ECH1: variants seen among roughly 807,000 people sequenced by gnomAD.
ECH1 encodes enoyl-CoA hydratase 1.
ECH1 carries 30 observed loss-of-function variants against 37.0 expected under a neutral mutation model. The observed-to-expected ratio is 0.81, with a 90% CI of 0.61 to 1.10. ECH1 has a LOEUF of 1.10. ECH1 is among the 50% of genes least tolerant of loss of function. The pLI is 0.00. For synonymous variants in ECH1, 178 were observed against 176.0 expected (o/e 1.01, Z -0.09); for missense variants, 456 against 441.6 (o/e 1.03, Z -0.29).
rs145722539 is a variant in ECH1 at position 38,817,463 on chromosome 19, G to T, written c.462C>A (p.Asn154Lys). 1 of 1,613,804 alleles carries T rather than the reference G, an allele frequency of 6.2e-7. No homozygotes were observed. Among genetic ancestry groups the T allele is most frequent in the South Asian group, 1.1e-5 (1 of 90,958 alleles). Residue 154 changes from asparagine (N) to lysine (K), a missense_variant, in exon 4 of 10, where the codon AAC becomes AAA. Asn to Lys is a moderately conservative substitution (Grantham distance 94, BLOSUM62 0). Transcript: ENST00000221418. ...DIITRYQETF[N>K]VIERCPKPVI... ...CCCCTAGAGTCACCCTCTCGATGAC[G>T]TTGAAGGTCTCCTGGTATCGAGTGA...
intron 8 of ECH1, 73 bp from the exon 9 acceptor site, chr19:38,816,080 G>A: frequency 6.3e-7 from 1 of 1,591,506 alleles, no homozygotes; most frequent in Non-Finnish European, 8.6e-7. Context: ...AGATGAAGAA[G>A]TGGCCACTCA....
intron 3 of ECH1, among the ~76,000 whole-genome samples, chr19:38,820,956 A>G (rs959507234): frequency 3.9e-5 from 6 of 152,190 alleles, no homozygotes; most frequent in African/African-American, 1.4e-4. Context: ...GAACAAATGA[A>G]CAAGAGGAGG....
chr19:38,819,008 T>TGTGTGTGTGTGTTTGTGC (rs371773394), intron 3 of ECH1: 2 of 324,272 alleles, frequency 6.2e-6, no homozygotes, highest in Non-Finnish European at 8.8e-6. Context: ...TGTGTGTGTG[T>TGTGTGTGTGTGTTTGTGC]GCGGGCACGT....
chr19:38,817,550 C>T lies in ECH1; in HGVS notation c.375G>A (p.Ser125=), dbSNP rs15570. The change falls in exon 4 of 10, where the codon TCG becomes TCA. Residue 125 remains serine (S), a synonymous_variant. Transcript: ENST00000221418. Reference sequence around the variant, plus strand: ...CATCTCCTTTGGGCTGCAGGATGTCCGAAGCCATGTCCATCAGGTCAATAC... The same window carrying T: ...CATCTCCTTTGGGCTGCAGGATGTCTGAAGCCATGTCCATCAGGTCAATAC... ...TAGIDLMDMA[S]DILQPKGDDV... The T allele has an allele frequency of 0.14, 225,992 of 1,608,500 alleles. 17,338 individuals are homozygous for T. Among genetic ancestry groups the T allele is most frequent in the South Asian group, 0.28 (25,296 of 90,848 alleles).
At chr19:38,815,812 C>T in intron 9 of ECH1, 45 bp downstream of exon 9, 3 of 1,613,314 alleles carry the variant, frequency 1.9e-6, no homozygotes, top group Non-Finnish European at 2.5e-6. Context: ...GGTTGGTCGC[C>T]TGGGGTTAGA....
In ECH1 at chr19:38,817,493, G is replaced by A. The variant is rs1339441112; in HGVS notation, c.432C>T (p.Asp144=). 3.1e-6 allele frequency: 5 copies of A among 1,613,956 alleles called. No individual in the cohort carries two copies. The highest frequency in any genetic ancestry group is 4.2e-6 in the Non-Finnish European group (5 of 1,179,938). Residue 144 remains aspartate (D), a synonymous_variant, in exon 4 of 10, where the codon GAC becomes GAT. Transcript: ENST00000221418. The part of the protein sequence containing the change: ...DVARISWYLR[D]IITRYQETFN... ...AGGTCTCCTGGTATCGAGTGATGAT[G>A]TCACGGAGGTACCAGCTGATCCGGG...
At chr19:38,819,278 G>A (rs1971627391) in intron 3 of ECH1, 3 of 950,356 alleles carry the variant, frequency 3.2e-6, no homozygotes, top group Non-Finnish European at 3.8e-6. Context: ...GGACCTTTGG[G>A]CTGACAACCA....
At chr19:38,818,930 T>TGTGC (rs1555721665) in intron 3 of ECH1, among the ~76,000 whole-genome samples, 1 of 108,928 alleles carries the variant, frequency 9.2e-6, no homozygotes, top group East Asian at 5.4e-4. Context: ...TGTGTGTGTG[T>TGTGC]GTGCACTGTT....
In ECH1 at chr19:38,815,509, T is replaced by G; in HGVS notation, c.*104A>C. The G allele has an allele frequency of 9.3e-7, 1 of 1,073,010 alleles. No individual in the cohort carries two copies. The highest frequency in any genetic ancestry group is 1.4e-5 in the South Asian group (1 of 74,008). 66.5% of individuals were successfully genotyped at this position (1,073,010 alleles called of 1,614,324 possible). On this transcript the variant is annotated 3_prime_UTR_variant, in exon 10 of 10. Transcript: ENST00000221418. The stretch of plus-strand genomic sequence containing the variant: ...GTCATAAAGTTATAAACTGGGAAAC[T>G]GGGTCAGAAGGCATAGAAACAACTG...
At chr19:38,819,401 T>TC (rs1325410564) in intron 3 of ECH1, among the ~76,000 whole-genome samples, 3 of 151,904 alleles carry the variant, frequency 2.0e-5, no homozygotes, top group Non-Finnish European at 4.4e-5. Context: ...GATGGCCCCA[T>TC]CCCCCGCATC....
In ECH1 at chr19:38,819,833, T is replaced by C. The variant is rs368247582; in HGVS notation, c.350-2258A>G. On this transcript the variant is annotated intron_variant, in intron 3 of 9. Transcript: ENST00000221418. ...TGAGGCTGGGCATGGTCACCTGTAA[T>C]CCCAGCACTTTCGGAGGCTGAGGTG... Among the ~76,000 whole-genome samples the C allele has an allele frequency of 1.9e-3, 288 of 151,982 alleles. 3 individuals carry two copies. Among genetic ancestry groups the C allele is most frequent in the African/African-American group, 6.7e-3 (277 of 41,468 alleles).
intron 3 of ECH1, among the ~76,000 whole-genome samples, chr19:38,824,650 G>C (rs1184547390): frequency 6.6e-6 from 1 of 152,152 alleles, no homozygotes; most frequent in Non-Finnish European, 1.5e-5. Context: ...TTTTCTGTAA[G>C]AGGGAAGGCA....
At position 38,831,741 on chromosome 19, in the gene ECH1, A is replaced by T. The variant is rs1195346197; in HGVS notation, c.32T>A (p.Leu11His). ...CTCACGCCGGGTCAGTAGGTCGCGG[A>T]GTCTGCGAGAAGCCACTATCCCCGC... MAAGIVASRRLRDLLTRRLTG... is the reference protein window; with the variant it reads MAAGIVASRRHRDLLTRRLTG... The change falls in exon 1 of 10, where the codon CTC becomes CAC. Residue 11 changes from leucine (L) to histidine (H), a missense_variant. By Grantham distance (99) the Leu-to-His change is moderately conservative (BLOSUM62 -3). Transcript: ENST00000221418. 1 of 1,613,304 alleles carries T rather than the reference A, an allele frequency of 6.2e-7. No homozygotes were observed. The highest frequency in any genetic ancestry group is 1.7e-5 in the Admixed American group (1 of 59,970).
intron 3 of ECH1, among the ~76,000 whole-genome samples, chr19:38,821,748 G>A (rs949413872): frequency 1.3e-5 from 2 of 152,188 alleles, no homozygotes; most frequent in Admixed American, 1.3e-4. Flanking sequence ...CAGGGCTTGG[G>A]ACCTGCAGCC....
Position 38,817,138 on chromosome 19 carries a change from T to C in ECH1, c.524-9A>G. On this transcript the variant is annotated splice_polypyrimidine_tract_variant and intron_variant, in intron 5 of 9. Transcript: ENST00000221418. ...GGTGACAAGGTCCACACCTAGGAGGTAGAGGCCAGGGATGCTGAATGACCA... is the reference window on the plus strand; with the variant it reads ...GGTGACAAGGTCCACACCTAGGAGGCAGAGGCCAGGGATGCTGAATGACCA... 2 of 1,565,246 alleles carry C rather than the reference T, an allele frequency of 1.3e-6. No individual in the cohort carries two copies. The highest frequency in any genetic ancestry group is 8.7e-7 in the Non-Finnish European group (1 of 1,154,912).
chr19:38,831,540 G>A, intron 1 of ECH1, 24 bp from the exon 2 acceptor site: 1 of 1,601,452 alleles, frequency 6.2e-7, no homozygotes, highest in Non-Finnish European at 8.5e-7. Context: ...AACAGCCTTT[G>A]ATGACCCCAG....
chr19:38,817,606 G>A (rs540318782), intron 3 of ECH1, 31 bp from the exon 4 acceptor site: 1 of 1,563,220 alleles, frequency 6.4e-7, no homozygotes, highest in South Asian at 1.2e-5. Context: ...AGCTCATCCA[G>A]GCTCCCAGGC....
chr19:38,817,551 G>A lies in ECH1; in HGVS notation c.374C>T (p.Ser125Leu), dbSNP rs1287663581. The A allele has an allele frequency of 3.1e-6, 5 of 1,609,064 alleles. No homozygotes were observed. The African/African-American group carries it at 4.0e-5, about 13-fold the overall frequency. ...TAGIDLMDMA[S>L]DILQPKGDDV... The stretch of plus-strand genomic sequence containing the variant: ...ATCTCCTTTGGGCTGCAGGATGTCC[G>A]AAGCCATGTCCATCAGGTCAATACC... The change falls in exon 4 of 10, where the codon TCG becomes TTG. Residue 125 changes from serine (S) to leucine (L), a missense_variant. By Grantham distance (145) the Ser-to-Leu change is moderately radical (BLOSUM62 -2). Coordinates refer to ENST00000221418, the MANE Select transcript of ECH1 (RefSeq NM_001398.3).
At chr19:38,824,941 A>C (rs2145381616) in intron 3 of ECH1, among the ~76,000 whole-genome samples, 1 of 152,274 alleles carries the variant, frequency 6.6e-6, no homozygotes, top group Admixed American at 6.5e-5. Flanking sequence ...CCACCCGGGT[A>C]CATGTCCCCT....
Sources: gnomAD v4.1 joint callset for allele counts (sites outside exome capture counted in the v4.1 genomes callset) on GRCh38, gnomAD v4.1.1 for gene constraint, MANE v1.5 for transcripts, NCBI Gene and HGNC (gene_info 2026-07-23, HGNC 2026-07-21) for gene names.